CACNA1S: variants seen among roughly 807,000 people sequenced by gnomAD.
CACNA1S encodes the protein calcium voltage-gated channel subunit alpha1 S.
Under a neutral mutation model 207.4 loss-of-function variants are expected in CACNA1S, and 126 were observed. That is an observed-to-expected ratio of 0.61 (90% confidence interval 0.53 to 0.70). The LOEUF (loss-of-function observed/expected upper bound fraction) is 0.70, where lower values mean the gene tolerates loss of function less well. Ranked by LOEUF, CACNA1S falls within the 30% of genes least tolerant of loss-of-function variation. The pLI, the probability that CACNA1S is intolerant of heterozygous loss-of-function variation, is 0.00. For missense variants in CACNA1S, 2,349 were observed against 2,422.8 expected (o/e 0.97, Z 0.64); for synonymous variants, 960 against 932.7 (o/e 1.03, Z -0.53).
chr1:201,098,131 A>G (rs1309376754), intron 2 of CACNA1S, among the ~76,000 whole-genome samples: 1 of 152,326 alleles, frequency 6.6e-6, no homozygotes, highest in Non-Finnish European at 1.5e-5. Flanking sequence ...CCTGAATATA[A>G]CATCATTGAG....
intron 13 of CACNA1S, 46 bp from the exon 14 acceptor site, chr1:201,074,666 G>T: frequency 8.1e-7 from 1 of 1,237,486 alleles, no homozygotes; most frequent in Non-Finnish European, 1.2e-6. Flanking sequence ...GTGGAAGGGA[G>T]CCTGCAGGGC....
rs1254321868 is a variant in CACNA1S, at chr1:201,066,761, C to T, written c.2657+126G>A. ...AACCCACAGGACCCCCTGCCTCCAT[C>T]GGAGGCCCCGAGAGACCCTCCTCTT... is the stretch of plus-strand genomic sequence containing the variant. On this transcript the variant is annotated intron_variant, in intron 20 of 43. Coordinates refer to ENST00000362061, the MANE Select transcript of CACNA1S (RefSeq NM_000069.3). The surrounding 1 kb of genome is among the most constrained non-coding windows in gnomAD (Gnocchi z 4.3). 2.8e-5 allele frequency: 21 copies of T among 739,592 alleles called. No individual in the cohort carries two copies. Among genetic ancestry groups the T allele is most frequent in the South Asian group, 1.0e-4 (7 of 67,196 alleles). The allele number at this position is 739,592 out of a possible 1,614,324, so 45.8% of individuals were successfully genotyped here.
Position 201,077,076 on chromosome 1 carries a change from G to T in CACNA1S, c.1671C>A (p.Arg557=), listed in dbSNP as rs766962939. 6.2e-7 allele frequency: 1 copy of T among 1,614,216 alleles called. No homozygotes were observed. Among genetic ancestry groups the T allele is most frequent in the Non-Finnish European group, 8.5e-7 (1 of 1,180,032 alleles). ...GCAGCAGCAGCAGGGAGGCGATGGA[G>T]CGGATGGAGTTGAGCAGGGATGCCA... The part of the protein sequence containing the change: ...NLVASLLNSI[R]SIASLLLLLF... Residue 557 remains arginine, a synonymous_variant, in exon 12 of 44, where the codon CGC becomes CGA. Coordinates refer to ENST00000362061, the MANE Select transcript of CACNA1S (RefSeq NM_000069.3).
At position 201,051,689 on chromosome 1, in the gene CACNA1S, C is replaced by A. The variant is rs74138820; in HGVS notation, c.3954-546G>T. On this transcript the variant is annotated intron_variant, in intron 32 of 43. Transcript: ENST00000362061. ...ACAACCTGCTCTGTAGATAACCTCC[C>A]TCCACCTCTCCAGCTGGGAAGAAGT... is the stretch of plus-strand genomic sequence containing the variant. 8.5e-3 allele frequency among the ~76,000 whole-genome samples: 1,296 copies of A among 152,348 alleles called. 17 individuals carry two copies. The highest frequency in any genetic ancestry group is 0.029 in the African/African-American group (1,218 of 41,584).
intron 19 of CACNA1S, 66 bp downstream of exon 19, chr1:201,069,071 T>A: frequency 1.5e-6 from 2 of 1,367,076 alleles, no homozygotes. Flanking sequence ...CTGAGTTCAG[T>A]GTGTGTAAAC....
intron 24 of CACNA1S, 69 bp from the exon 25 acceptor site, chr1:201,061,537 A>G (rs1661050710): frequency 1.1e-5 from 16 of 1,455,936 alleles, no homozygotes; most frequent in Non-Finnish European, 1.4e-5. Context: ...GCTGGGAAGG[A>G]TGGGCTTTAT....
In CACNA1S at chr1:201,066,086, A is replaced by G. The variant is rs1039135015; in HGVS notation, c.2746-141T>C. On this transcript the variant is annotated intron_variant, in intron 21 of 43. Coordinates refer to ENST00000362061, the MANE Select transcript of CACNA1S (RefSeq NM_000069.3). The surrounding 1 kb of genome is among the most constrained non-coding windows in gnomAD (Gnocchi z 4.3). The stretch of plus-strand genomic sequence containing the variant: ...GAAAGGCTGGTGGGGAAGCATAGCT[A>G]CCCCAGCCTCATCCTTACCCCTATC... 30 of 927,864 alleles carry G rather than the reference A, an allele frequency of 3.2e-5. No homozygotes were observed. The African/African-American group carries it at 3.6e-4, about 11-fold the overall frequency. 57.5% of individuals were successfully genotyped at this position (927,864 alleles called of 1,614,324 possible). A position where few individuals can be genotyped will look rare whatever the true frequency, so the allele number is the denominator to read the frequency against.
At chr1:201,097,197 T>C (rs1662464858) in intron 2 of CACNA1S, among the ~76,000 whole-genome samples, 1 of 152,066 alleles carries the variant, frequency 6.6e-6, no homozygotes, top group Non-Finnish European at 1.5e-5. Flanking sequence ...CCTGCAGTGG[T>C]CCACCGCCAC....
chr1:201,055,876 C>T (rs1461178237), intron 28 of CACNA1S, among the ~76,000 whole-genome samples: 3 of 152,242 alleles, frequency 2.0e-5, no homozygotes, highest in South Asian at 2.1e-4. Context: ...TTCCGCTACA[C>T]AGACCTCAGA....
intron 39 of CACNA1S, among the ~76,000 whole-genome samples, chr1:201,043,938 C>T (rs1660385909): frequency 6.6e-6 from 1 of 152,054 alleles, no homozygotes; most frequent in Non-Finnish European, 1.5e-5. Flanking sequence ...AACTAGGTGT[C>T]ATTAAAGACC....
Position 201,040,631 on chromosome 1 carries a change from G to A in CACNA1S, c.5217C>T (p.Ala1739=), listed in dbSNP as rs772010734. 2.8e-5 allele frequency: 45 copies of A among 1,613,896 alleles called. No homozygotes were observed. In the East Asian group the frequency reaches 9.4e-4, roughly 34 times the overall value. ...CCTCTGCCACTGTTACCTGGCAGGG[G>A]GCAGGAGGTGCCTGGCCTCTGGGCA... ...RAMPRGQAPP[A]PCQCPRVESS... Residue 1739 remains alanine, a synonymous_variant, in exon 42 of 44, where the codon GCC becomes GCT. Coordinates refer to ENST00000362061, the MANE Select transcript of CACNA1S (RefSeq NM_000069.3).
In CACNA1S at chr1:201,060,725, G is replaced by A; in HGVS notation, c.3347C>T (p.Thr1116Ile). 1 of 1,614,192 alleles carries A rather than the reference G, an allele frequency of 6.2e-7. No individual in the cohort carries two copies. Among genetic ancestry groups the A allele is most frequent in the Middle Eastern group, 1.6e-4 (1 of 6,062 alleles). ...PYQYQVWYIV[T>I]SSYFEYLMFA... is the part of the protein sequence containing the mutation. ...CATCAGGTATTCAAAGTAGGAGGAG[G>A]TGACAATGTACCACACCTGGTACTG... Residue 1116 changes from threonine to isoleucine, a missense_variant, in exon 26 of 44, where the codon ACC becomes ATC. Thr to Ile is a moderately conservative substitution (Grantham distance 89). Coordinates refer to ENST00000362061, the MANE Select transcript of CACNA1S (RefSeq NM_000069.3).
intron 2 of CACNA1S, among the ~76,000 whole-genome samples, chr1:201,100,830 T>A (rs1368814348): frequency 6.6e-6 from 1 of 151,766 alleles, no homozygotes; most frequent in African/African-American, 2.4e-5. Context: ...ATACATTTAA[T>A]CCTCACTGAA....
chr1:201,069,393 A>T, intron 18 of CACNA1S, 79 bp downstream of exon 18: 1 of 1,572,570 alleles, frequency 6.4e-7, no homozygotes, highest in Non-Finnish European at 8.7e-7. Context: ...CACATAGAGG[A>T]TACAGCTGAA....
rs573861276 is a variant in CACNA1S at position 201,042,539 on chromosome 1, C to T, written c.5048+742G>A. 5.3e-5 allele frequency among the ~76,000 whole-genome samples: 8 copies of T among 152,352 alleles called. No individual in the cohort carries two copies. In the South Asian group the frequency reaches 8.3e-4, roughly 16 times the overall value. On this transcript the variant is annotated intron_variant, in intron 40 of 43. Coordinates refer to ENST00000362061, the MANE Select transcript of CACNA1S (RefSeq NM_000069.3). ...CAGGGCTGATGCTTCTGTATTTCCA[C>T]GTTACCTTGCACCATGGTGACCCAA...
At chr1:201,109,938 G>A (rs1572078145) in intron 2 of CACNA1S, among the ~76,000 whole-genome samples, 1 of 152,156 alleles carries the variant, frequency 6.6e-6, no homozygotes, top group Non-Finnish European at 1.5e-5. Context: ...ACCAATGAGT[G>A]CGTGCTTAGT....
intron 2 of CACNA1S, among the ~76,000 whole-genome samples, chr1:201,101,560 C>T (rs1024261166): frequency 6.6e-6 from 1 of 152,234 alleles, no homozygotes; most frequent in Non-Finnish European, 1.5e-5. Flanking sequence ...GGTGGCCCTC[C>T]TCTACTGGCA....
chr1:201,085,545 C>T lies in CACNA1S; in HGVS notation c.1041G>A (p.Arg347=). Residue 347 remains arginine, a synonymous_variant, in exon 8 of 44, where the codon AGG becomes AGA. Transcript: ENST00000362061. Reference sequence around the variant, plus strand: ...TCTCCCGGAGCTTCTGGAAGGTTCCCCTGGACTTGGCCTTCTCCCGCTCCT... The same window carrying T: ...TCTCCCGGAGCTTCTGGAAGGTTCCTCTGGACTTGGCCTTCTCCCGCTCCT... The part of the protein sequence containing the change: ...FTKEREKAKS[R]GTFQKLREKQ... The T allele has an allele frequency of 6.2e-7, 1 of 1,613,552 alleles. No individual in the cohort carries two copies. The highest frequency in any genetic ancestry group is 8.5e-7 in the Non-Finnish European group (1 of 1,179,928).
intron 24 of CACNA1S, 122 bp from the exon 25 acceptor site, chr1:201,061,590 A>G: frequency 4.2e-6 from 4 of 952,470 alleles, no homozygotes; most frequent in Non-Finnish European, 6.3e-6. Context: ...TCAACAATCA[A>G]GTTACGGGAC....
Sources: allele counts gnomAD v4.1 joint callset (sites outside exome capture counted in the v4.1 genomes callset), GRCh38; gene constraint gnomAD v4.1.1; non-coding constraint Gnocchi (gnomAD v3.1); transcripts MANE v1.5; gene names NCBI Gene and HGNC (gene_info 2026-07-23, HGNC 2026-07-21).